SCG5: variants seen among roughly 807,000 people sequenced by gnomAD.
The protein encoded by SCG5 is neuroendocrine protein 7B2.
In SCG5, 18 loss-of-function variants were observed where a neutral mutation model predicts 25.7. The ratio of observed to expected loss-of-function variants is 0.70; its 90% CI spans 0.48 to 1.04. The LOEUF (loss-of-function observed/expected upper bound fraction) is 1.04, where lower values mean the gene tolerates loss of function less well. Among genes scored for constraint, SCG5 ranks in the 50% least tolerant of loss-of-function variants. The pLI, the probability that SCG5 is intolerant of heterozygous loss-of-function variation, is 0.00. For missense variants in SCG5, 206 were observed against 259.8 expected, an observed-to-expected ratio of 0.79 and a Z score of 1.42; for synonymous variants, 101 against 91.7, an observed-to-expected ratio of 1.10 and a Z score of -0.58.
intron 2 of SCG5, among the ~76,000 whole-genome samples, chr15:32,678,618 A>G (rs1295606011): frequency 6.6e-6 from 1 of 152,200 alleles, no homozygotes; most frequent in East Asian, 1.9e-4. Flanking sequence ...TTTTTGGAAA[A>G]CAGTTTGGCA....
Position 32,685,398 on chromosome 15 carries a change from G to A in SCG5, c.489+729G>A, listed in dbSNP as rs182814715. 8.5e-5 allele frequency among the ~76,000 whole-genome samples: 13 copies of A among 152,300 alleles called. No individual in the cohort carries two copies. The East Asian group carries it at 1.2e-3, about 14-fold the overall frequency. On this transcript the variant is annotated intron_variant, in intron 4 of 5. Coordinates refer to ENST00000300175, the MANE Select transcript of SCG5 (RefSeq NM_001144757.3). ...CTTTTGCAAAGCATTTGACAAGATC[G>A]TTTTATGTTCCCCTATTGGAAGAGG...
At position 32,658,294 on chromosome 15, in the gene SCG5, G is replaced by A. The variant is rs549509019; in HGVS notation, c.226+14476G>A. On this transcript the variant is annotated intron_variant, in intron 2 of 5. Coordinates refer to ENST00000300175, the MANE Select transcript of SCG5 (RefSeq NM_001144757.3). The stretch of plus-strand genomic sequence containing the variant: ...CATAGCTGCAACCTACTAGATAGAA[G>A]CTGAGAACCCTATATGTGGATCAGG... Among the ~76,000 whole-genome samples, 6 of 152,078 alleles carry A rather than the reference G, an allele frequency of 3.9e-5. No individual in the cohort carries two copies. The South Asian group carries it at 1.2e-3, about 32-fold the overall frequency.
chr15:32,649,747 A>G (rs879525516), intron 2 of SCG5, among the ~76,000 whole-genome samples: 10 of 152,180 alleles, frequency 6.6e-5, no homozygotes, highest in Non-Finnish European at 1.3e-4. Context: ...CAAAGCAAAT[A>G]AAAACACAAA....
intron 3 of SCG5, among the ~76,000 whole-genome samples, chr15:32,683,495 A>G (rs2140579866): frequency 6.6e-6 from 1 of 152,340 alleles, no homozygotes; most frequent in East Asian, 1.9e-4. Flanking sequence ...TTCAATGGAA[A>G]ACTTGCTTGA....
intron 2 of SCG5, among the ~76,000 whole-genome samples, chr15:32,650,012 G>C (rs1198529107): frequency 6.6e-6 from 1 of 152,206 alleles, no homozygotes; most frequent in Non-Finnish European, 1.5e-5. Flanking sequence ...GGTGCCATTA[G>C]TAACTGAATT....
chr15:32,676,605 A>C (rs1307041878), intron 2 of SCG5, among the ~76,000 whole-genome samples: 2 of 152,198 alleles, frequency 1.3e-5, no homozygotes, highest in African/African-American at 4.8e-5. Context: ...TATTGGGTTA[A>C]TGTGGAATCA....
intron 2 of SCG5, among the ~76,000 whole-genome samples, chr15:32,679,394 G>C (rs889189552): frequency 6.6e-6 from 1 of 151,930 alleles, no homozygotes; most frequent in African/African-American, 2.4e-5. Context: ...TAGAGCCGGG[G>C]TTTCATTATG....
chr15:32,696,500 TG>T lies in SCG5; in HGVS notation c.544-13del, dbSNP rs1302607637. 1.9e-6 allele frequency: 3 copies of T among 1,579,154 alleles called. No homozygotes were observed. Among genetic ancestry groups the T allele is most frequent in the African/African-American group, 1.3e-5 (1 of 74,316 alleles). On this transcript the variant is annotated splice_polypyrimidine_tract_variant and intron_variant, in intron 5 of 5. Transcript: ENST00000300175. Reference sequence around the variant, plus strand: ...AACACCAAACCACATGGTTTTTGTTTGTTTGTTTTTCAGAGTGTCAATCCAT... The same window carrying T: ...AACACCAAACCACATGGTTTTTGTTTTTTGTTTTTCAGAGTGTCAATCCAT...
chr15:32,662,231 A>C (rs2054231876), intron 2 of SCG5, among the ~76,000 whole-genome samples: 1 of 152,182 alleles, frequency 6.6e-6, no homozygotes, highest in South Asian at 2.1e-4. Flanking sequence ...AAGAAGAATA[A>C]TTGGGTCAAG....
chr15:32,696,620 C>T lies in SCG5; in HGVS notation c.*11C>T. On this transcript the variant is annotated 3_prime_UTR_variant, in exon 6 of 6. Coordinates refer to ENST00000300175, the MANE Select transcript of SCG5 (RefSeq NM_001144757.3). ...AAGGATCCAGAGTAAAGAGAAGATG[C>T]TAGACGAAAACCCACATTACCTGTT... The T allele has an allele frequency of 6.3e-7, 1 of 1,591,702 alleles. No individual in the cohort carries two copies.
At chr15:32,677,959 T>G (rs182654604) in intron 2 of SCG5, among the ~76,000 whole-genome samples, 33 of 152,192 alleles carry the variant, frequency 2.2e-4, no homozygotes, top group African/African-American at 7.0e-4. Context: ...TTCGTATGTA[T>G]GAGACACTTA....
intron 4 of SCG5, among the ~76,000 whole-genome samples, chr15:32,685,491 G>A (rs941806439): frequency 4.7e-4 from 72 of 152,198 alleles, no homozygotes; most frequent in African/African-American, 1.7e-3. Flanking sequence ...CATGTAAATA[G>A]GGAGGGAGAT....
intron 2 of SCG5, among the ~76,000 whole-genome samples, chr15:32,660,020 A>C (rs2140522705): frequency 6.6e-6 from 1 of 152,340 alleles, no homozygotes; most frequent in Non-Finnish European, 1.5e-5. Flanking sequence ...TTGCAAAGGA[A>C]GGAGAGGAAA....
rs768303686 is a variant in SCG5 at position 32,679,811 on chromosome 15, TC to T, written c.276del (p.Asn93ThrfsTer6). ...CAGCATTTGGGTCCTTTTGGCAACA[TC>T]CCCAACATCGTGGCAGAGTTGACTG... ...GLQHLGPFGN[I>X]PNIVAELTGD... is the part of the protein sequence containing the mutation. On this transcript the variant is annotated frameshift_variant, in exon 3 of 6. Coordinates refer to ENST00000300175, the MANE Select transcript of SCG5 (RefSeq NM_001144757.3). LOFTEE classifies it high-confidence loss of function. 9.3e-6 allele frequency: 15 copies of T among 1,613,940 alleles called. No homozygotes were observed. The South Asian group carries it at 1.6e-4, about 18-fold the overall frequency.
intron 2 of SCG5, among the ~76,000 whole-genome samples, chr15:32,670,643 T>C (rs1368302579): frequency 6.6e-6 from 1 of 152,250 alleles, no homozygotes; most frequent in Non-Finnish European, 1.5e-5. Context: ...CAAATTTCTC[T>C]TCTCCGCTAG....
intron 5 of SCG5, among the ~76,000 whole-genome samples, chr15:32,695,732 T>G (rs982378230): frequency 2.0e-5 from 3 of 152,136 alleles, no homozygotes; most frequent in Non-Finnish European, 4.4e-5. Flanking sequence ...AATTCCCACT[T>G]GGCCCTACTC....
At chr15:32,689,548 G>A (rs973630035) in intron 4 of SCG5, among the ~76,000 whole-genome samples, 10 of 152,230 alleles carry the variant, frequency 6.6e-5, no homozygotes, top group African/African-American at 2.4e-4. Flanking sequence ...CCCTTTTAAT[G>A]AACTTGAACC....
chr15:32,678,501 G>A (rs933066363), intron 2 of SCG5, among the ~76,000 whole-genome samples: 1 of 152,130 alleles, frequency 6.6e-6, no homozygotes, highest in Non-Finnish European at 1.5e-5. Context: ...ATTTGAATTA[G>A]CAAAGAAAAT....
chr15:32,646,599 G>T (rs1364445040), intron 2 of SCG5, among the ~76,000 whole-genome samples: 1 of 152,188 alleles, frequency 6.6e-6, no homozygotes, highest in Non-Finnish European at 1.5e-5. Context: ...TTCCCAGCAG[G>T]TGGGAATCTT....
Sources: gnomAD v4.1 joint callset for allele counts (sites outside exome capture counted in the v4.1 genomes callset) on GRCh38, gnomAD v4.1.1 for gene constraint, MANE v1.5 for transcripts, NCBI Gene and HGNC (gene_info 2026-07-23, HGNC 2026-07-21) for gene names.